The following PTPRM variants were observed in gnomAD, a reference collection of about 807,000 sequenced individuals.
PTPRM encodes protein tyrosine phosphatase receptor type M.
PTPRM carries 47 observed loss-of-function variants against 186.7 expected under a neutral mutation model. The ratio of observed to expected loss-of-function variants is 0.25; its 90% CI spans 0.20 to 0.32. The LOEUF is 0.32. Ranked by LOEUF, PTPRM falls within the 10% of genes least tolerant of loss-of-function variation. The pLI is 1.00. For missense variants in PTPRM, 1,494 were observed against 1,865.0 expected (o/e 0.80, Z 3.66); for synonymous variants, 668 against 674.9 (o/e 0.99, Z 0.16).
Position 8,085,729 on chromosome 18 carries a change from G to T in PTPRM, c.1610G>T (p.Gly537Val), listed in dbSNP as rs757596315. Residue 537 changes from glycine (G) to valine (V), a missense_variant, in exon 10 of 33, where the codon GGA (glycine) becomes GTA (valine). Physicochemically the swap from Gly to Val is moderately radical, Grantham distance 109 (BLOSUM62 -3). Coordinates refer to ENST00000580170, the MANE Select transcript of PTPRM (RefSeq NM_001105244.2). ...GAAATAGATTTATCCAATCAGAGTGGAAGAGTTTCAAAGCTGGGAAATGAA... is the reference window on the plus strand; with the variant it reads ...GAAATAGATTTATCCAATCAGAGTGTAAGAGTTTCAAAGCTGGGAAATGAA... ...DPEIDLSNQS[G>V]RVSKLGNETH... The T allele has an allele frequency of 1.2e-5, 19 of 1,611,604 alleles. No individual in the cohort carries two copies. Among genetic ancestry groups the T allele is most frequent in the Non-Finnish European group, 1.6e-5 (19 of 1,177,906 alleles).
At chr18:7,930,957 GT>G (rs2146849750) in intron 5 of PTPRM, among the ~76,000 whole-genome samples, 1 of 152,050 alleles carries the variant, frequency 6.6e-6, no homozygotes, top group Non-Finnish European at 1.5e-5. Flanking sequence ...AAGTGGGATT[GT>G]TTTCTCTAGA....
chr18:8,284,707 C>G (rs956243509), intron 19 of PTPRM, among the ~76,000 whole-genome samples: 1 of 152,062 alleles, frequency 6.6e-6, no homozygotes, highest in African/African-American at 2.4e-5. Flanking sequence ...ACGATTGCAC[C>G]ACTGCCCTCC....
intron 7 of PTPRM, among the ~76,000 whole-genome samples, chr18:8,008,819 C>T (rs546457140): frequency 6.6e-6 from 1 of 152,256 alleles, no homozygotes; most frequent in South Asian, 2.1e-4. Context: ...TTGGTGCAGA[C>T]ATTATTCAGC....
intron 1 of PTPRM, among the ~76,000 whole-genome samples, chr18:7,626,366 C>T (rs1459129052): frequency 6.6e-6 from 1 of 152,204 alleles, no homozygotes; most frequent in Non-Finnish European, 1.5e-5. Context: ...TAGAGTACAG[C>T]CCTGATGGAC....
chr18:8,401,346 C>T lies in PTPRM; in HGVS notation c.4345-4763C>T, dbSNP rs189195792. Among the ~76,000 whole-genome samples the T allele has an allele frequency of 4.6e-5, 7 of 152,300 alleles. No individual in the cohort carries two copies. The East Asian group carries it at 1.4e-3, about 29-fold the overall frequency. On this transcript the variant is annotated intron_variant, in intron 32 of 32. Coordinates refer to ENST00000580170, the MANE Select transcript of PTPRM (RefSeq NM_001105244.2). ...TAAGGGAATGAGCCACTCATCATTC[C>T]AGGGACATGCTGCTGTCTCGCTGAG...
chr18:7,618,815 T>C (rs7236112), intron 1 of PTPRM, among the ~76,000 whole-genome samples: 4,965 of 152,332 alleles, frequency 0.033, 272 homozygotes, highest in African/African-American at 0.11. Flanking sequence ...CTCTGAAATA[T>C]AGAAGTGATT....
At chr18:8,182,113 T>C (rs1443139379) in intron 14 of PTPRM, among the ~76,000 whole-genome samples, 1 of 152,254 alleles carries the variant, frequency 6.6e-6, no homozygotes, top group Admixed American at 6.5e-5. Flanking sequence ...TATTGTTCAC[T>C]GTAGAGAAGC....
chr18:8,075,639 A>T (rs2089763855), intron 8 of PTPRM, among the ~76,000 whole-genome samples: 1 of 152,108 alleles, frequency 6.6e-6, no homozygotes, highest in Non-Finnish European at 1.5e-5. Context: ...GTTTTTTTGC[A>T]AACTTATAAG....
chr18:8,326,465 C>T (rs1383817701), intron 22 of PTPRM, among the ~76,000 whole-genome samples: 18 of 152,074 alleles, frequency 1.2e-4, no homozygotes, highest in Non-Finnish European at 2.6e-4. Context: ...ATAGAAGAGC[C>T]CAAATAGCCA....
chr18:7,926,653 G>C lies in PTPRM; in HGVS notation c.633G>C (p.Arg211Ser). The change falls in exon 5 of 33, where the codon AGG (arginine) becomes AGC (serine). Residue 211 changes from arginine (R) to serine (S), a missense_variant. Physicochemically the swap from Arg to Ser is moderately radical, Grantham distance 110. Coordinates refer to ENST00000580170, the MANE Select transcript of PTPRM (RefSeq NM_001105244.2). ...FATFQCSAIG[R>S]TVAGDRLWLQ... The stretch of plus-strand genomic sequence containing the variant: ...CCTTCCAGTGCAGTGCCATCGGCAG[G>C]ACCGTGGCAGGAGACAGGCTCTGGT... The C allele has an allele frequency of 6.2e-7, 1 of 1,613,148 alleles. No individual in the cohort carries two copies. The highest frequency in any genetic ancestry group is 8.5e-7 in the Non-Finnish European group (1 of 1,179,838).
In PTPRM at chr18:8,370,862, C is replaced by T. The variant is rs757682939; in HGVS notation, c.3055-28C>T. On this transcript the variant is annotated intron_variant, in intron 23 of 32. Coordinates refer to ENST00000580170, the MANE Select transcript of PTPRM (RefSeq NM_001105244.2). ...AACTCCAAAAAAACCAAACTGTAAACCCATAATTTCTTTTATGTTTTCTAA... is the reference window on the plus strand; with the variant it reads ...AACTCCAAAAAAACCAAACTGTAAATCCATAATTTCTTTTATGTTTTCTAA... 2.8e-6 allele frequency: 4 copies of T among 1,446,350 alleles called. No individual in the cohort carries two copies. The Admixed American group carries it at 5.8e-5, about 21-fold the overall frequency. The allele number at this position is 1,446,350 out of a possible 1,614,324, so 89.6% of individuals were successfully genotyped here. A position where few individuals can be genotyped will look rare whatever the true frequency, so the allele number is the denominator to read the frequency against.
At position 8,231,246 on chromosome 18, in the gene PTPRM, A is replaced by G. The variant is rs1236311162; in HGVS notation, c.2301-12812A>G. Among the ~76,000 whole-genome samples, 4 of 152,296 alleles carry G rather than the reference A, an allele frequency of 2.6e-5. No homozygotes were observed. The Middle Eastern group carries it at 0.014, about 518-fold the overall frequency. On this transcript the variant is annotated intron_variant, in intron 14 of 32. Transcript: ENST00000580170. The stretch of plus-strand genomic sequence containing the variant: ...GGGGGTAATCAGGCTCTGGGGAACC[A>G]TGGCCTGTGACCTTGAATGGCAATA...
intron 22 of PTPRM, among the ~76,000 whole-genome samples, chr18:8,340,738 C>T (rs2095469451): frequency 6.6e-6 from 1 of 152,098 alleles, no homozygotes; most frequent in Non-Finnish European, 1.5e-5. Context: ...TAGGAGAGCA[C>T]CTGATGGTTA....
intron 3 of PTPRM, among the ~76,000 whole-genome samples, chr18:7,897,684 T>G (rs1337234827): frequency 1.3e-5 from 2 of 152,348 alleles, no homozygotes; most frequent in Non-Finnish European, 2.9e-5. Flanking sequence ...GTACTTCTTA[T>G]GTGATGATAA....
At chr18:8,362,349 T>TAA (rs1006456017) in intron 23 of PTPRM, among the ~76,000 whole-genome samples, 36 of 152,298 alleles carry the variant, frequency 2.4e-4, no homozygotes, top group Middle Eastern at 3.4e-3. Flanking sequence ...AGGTACCCTT[T>TAA]AAAAACACTG....
intron 19 of PTPRM, among the ~76,000 whole-genome samples, chr18:8,266,891 GAGTGA>G (rs1434112802): frequency 6.6e-6 from 1 of 152,024 alleles, no homozygotes; most frequent in Non-Finnish European, 1.5e-5. Flanking sequence ...CTGGGCAACA[GAGTGA>G]AACTCTGTCT....
chr18:7,700,975 C>CA (rs1262649146), intron 1 of PTPRM, among the ~76,000 whole-genome samples: 2,059 of 60,614 alleles, frequency 0.034, 60 homozygotes, highest in Middle Eastern at 0.051. Flanking sequence ...GAGCCTATCT[C>CA]AAAAAAAAAA....
intron 23 of PTPRM, among the ~76,000 whole-genome samples, chr18:8,368,506 G>A (rs1307748288): frequency 6.6e-6 from 1 of 152,118 alleles, no homozygotes; most frequent in Admixed American, 6.6e-5. Context: ...CTGAGGGCAG[G>A]GACCATCATT....
At chr18:7,728,559 C>T (rs148183858) in intron 1 of PTPRM, among the ~76,000 whole-genome samples, 1 of 152,332 alleles carries the variant, frequency 6.6e-6, no homozygotes, top group Non-Finnish European at 1.5e-5. Context: ...GACAACATTC[C>T]ATTGGTTAAA....
Sources: allele counts gnomAD v4.1 joint callset (sites outside exome capture counted in the v4.1 genomes callset), GRCh38; gene constraint gnomAD v4.1.1; transcripts MANE v1.5; gene names NCBI Gene and HGNC (gene_info 2026-07-23, HGNC 2026-07-21).